Variants in CACHD1 observed in about 807,000 individuals in gnomAD.
CACHD1 encodes the protein VWFA and cache domain-containing protein 1.
In CACHD1, 71 loss-of-function variants were observed where a neutral mutation model predicts 138.7. That is an observed-to-expected ratio of 0.51 (90% confidence interval 0.42 to 0.62). CACHD1 has a LOEUF of 0.62. Ranked by LOEUF, CACHD1 falls within the 20% of genes least tolerant of loss-of-function variation. CACHD1 has a pLI of 0.00. For synonymous variants in CACHD1, 578 were observed against 591.5 expected, an observed-to-expected ratio of 0.98 and a Z score of 0.33; for missense variants, 1,389 against 1,625.3, an observed-to-expected ratio of 0.85 and a Z score of 2.50.
chr1:64,652,102 A>G lies in CACHD1; in HGVS notation c.1391-59A>G, dbSNP rs1649114404. On this transcript the variant is annotated intron_variant, in intron 9 of 26. Coordinates refer to ENST00000651257, the MANE Select transcript of CACHD1 (RefSeq NM_020925.4). ...TCATGATTCACCGGAGCACAGTTCC[A>G]GTCTTTGTCCAATTCCTTCTCTGCT... The G allele has an allele frequency of 2.8e-6, 4 of 1,439,436 alleles. No homozygotes were observed. In the African/African-American group the frequency reaches 4.4e-5, roughly 16 times the overall value. The allele number at this position is 1,439,436 out of a possible 1,614,324, so 89.2% of individuals were successfully genotyped here.
chr1:64,640,687 A>ATG (rs564569514), intron 7 of CACHD1, among the ~76,000 whole-genome samples: 388 of 60,488 alleles, frequency 6.4e-3, no homozygotes, highest in African/African-American at 0.024. Context: ...ATATATATAT[A>ATG]TACAGACACA....
intron 13 of CACHD1, 120 bp from the exon 14 acceptor site, chr1:64,663,575 G>GAAAAAA: frequency 9.5e-5 from 114 of 1,194,058 alleles, no homozygotes; most frequent in Non-Finnish European, 1.1e-4. Context: ...AGAAAAAAAG[G>GAAAAAA]AAAAAAAAAG....
At chr1:64,668,944 C>T (rs1178606438) in intron 16 of CACHD1, among the ~76,000 whole-genome samples, 1 of 152,114 alleles carries the variant, frequency 6.6e-6, no homozygotes, top group Non-Finnish European at 1.5e-5. Context: ...TTCATCCCTC[C>T]TAACACATGG....
rs372905858 is a variant in CACHD1, at chr1:64,577,839, G to A, written c.262-4317G>A. Among the ~76,000 whole-genome samples the A allele has an allele frequency of 3.9e-5, 6 of 152,302 alleles. No individual in the cohort carries two copies. In the East Asian group the frequency reaches 9.6e-4, roughly 24 times the overall value. ...ACACCTTTTGTGAAGTGCCATAGGT[G>A]TTTGGACTCTGTATTCTTGGTACTT... On this transcript the variant is annotated intron_variant, in intron 2 of 26. Coordinates refer to ENST00000651257, the MANE Select transcript of CACHD1 (RefSeq NM_020925.4).
intron 1 of CACHD1, among the ~76,000 whole-genome samples, chr1:64,539,782 T>G (rs1646663415): frequency 6.6e-6 from 1 of 152,222 alleles, no homozygotes; most frequent in African/African-American, 2.4e-5. Flanking sequence ...ACCCTCTTAG[T>G]GAATGCTCTG....
intron 1 of CACHD1, among the ~76,000 whole-genome samples, chr1:64,475,868 T>G (rs1463651620): frequency 1.3e-5 from 2 of 152,178 alleles, no homozygotes; most frequent in Non-Finnish European, 2.9e-5. Context: ...ATGCCCTTAA[T>G]CTGTCAACTA....
chr1:64,489,945 T>C (rs1646264611), intron 1 of CACHD1, among the ~76,000 whole-genome samples: 1 of 152,202 alleles, frequency 6.6e-6, no homozygotes. Flanking sequence ...TAAGCACAAG[T>C]TAAGTACTGG....
chr1:64,603,099 C>CTTTTTTTTTTTTTTTTTTTTTTTTTTTT (rs34372401), intron 4 of CACHD1, among the ~76,000 whole-genome samples, 187 bp downstream of exon 4: 1 of 64,896 alleles, frequency 1.5e-5, no homozygotes. Context: ...AAGCTTACAT[C>CTTTTTTTTTTTTTTTTTTTTTTTTTTTT]TTTTTTTTTT....
At chr1:64,472,260 G>T (rs934450018) in intron 1 of CACHD1, among the ~76,000 whole-genome samples, 1 of 150,034 alleles carries the variant, frequency 6.7e-6, no homozygotes, top group African/African-American at 2.5e-5. Flanking sequence ...CCTCCTTCTC[G>T]TTCTTCTCCT....
At chr1:64,589,839 A>G (rs1052793549) in intron 3 of CACHD1, among the ~76,000 whole-genome samples, 3 of 152,172 alleles carry the variant, frequency 2.0e-5, no homozygotes, top group Non-Finnish European at 4.4e-5. Flanking sequence ...AGCCAAGTTG[A>G]TATAAAGTTA....
chr1:64,538,325 T>G (rs1238886161), intron 1 of CACHD1, among the ~76,000 whole-genome samples: 1 of 152,232 alleles, frequency 6.6e-6, no homozygotes, highest in Non-Finnish European at 1.5e-5. Context: ...CATCAGTATT[T>G]GGGTACTCCC....
intron 1 of CACHD1, among the ~76,000 whole-genome samples, chr1:64,478,633 A>G (rs924551037): frequency 1.4e-4 from 22 of 152,304 alleles, no homozygotes; most frequent in African/African-American, 4.1e-4. Flanking sequence ...TGTCCTATCC[A>G]GAGAGGCTAA....
rs182545219 is a variant in CACHD1, at chr1:64,682,070, C to T, written c.3550C>T (p.Arg1184Cys). The T allele has an allele frequency of 1.6e-5, 26 of 1,614,052 alleles. No homozygotes were observed. The highest frequency in any genetic ancestry group is 3.3e-5 in the South Asian group (3 of 91,066). ...TGCACACAGTCCAGAAAGAAGGCGC[C>T]GCTACTGGGGTCGATCAGGAACAGA... ...RHAHSPERRRRYWGRSGTESD... is the reference protein window; with the variant it reads ...RHAHSPERRRCYWGRSGTESD... Residue 1184 changes from arginine (R) to cysteine (C), a missense_variant, in exon 26 of 27, where the codon CGC (arginine) becomes TGC (cysteine). Physicochemically the swap from Arg to Cys is radical, Grantham distance 180. Coordinates refer to ENST00000651257, the MANE Select transcript of CACHD1 (RefSeq NM_020925.4).
Position 64,522,412 on chromosome 1 carries a change from A to G in CACHD1, c.199-28182A>G, listed in dbSNP as rs181455286. Among the ~76,000 whole-genome samples the G allele has an allele frequency of 4.8e-3, 732 of 152,072 alleles. 6 individuals are homozygous for G. Among genetic ancestry groups the G allele is most frequent in the Non-Finnish European group, 6.6e-3 (451 of 67,988 alleles). On this transcript the variant is annotated intron_variant, in intron 1 of 26. Transcript: ENST00000651257. Reference sequence around the variant, plus strand: ...AACCTCTGCCTCCTGGGTTCAAGCAATTCTCCTGCCTCAGCCTCCCGAGTA... The same window carrying G: ...AACCTCTGCCTCCTGGGTTCAAGCAGTTCTCCTGCCTCAGCCTCCCGAGTA...
intron 1 of CACHD1, among the ~76,000 whole-genome samples, chr1:64,527,676 T>TAA (rs954206264): frequency 1.6e-4 from 24 of 152,216 alleles, no homozygotes; most frequent in African/African-American, 5.5e-4. Flanking sequence ...TCTCTCTGTT[T>TAA]AAAAGTAAAG....
rs775956108 is a variant in CACHD1 at position 64,663,849 on chromosome 1, C to T, written c.2094+12C>T. On this transcript the variant is annotated intron_variant, in intron 14 of 26. Coordinates refer to ENST00000651257, the MANE Select transcript of CACHD1 (RefSeq NM_020925.4). ...ACCCGGGCCTCAAAGTAAGCATTGG[C>T]GCAGAGCTCCATTTCTGGTGTCCCC... is the stretch of plus-strand genomic sequence containing the variant. 1.2e-5 allele frequency: 19 copies of T among 1,613,894 alleles called. No homozygotes were observed. Among genetic ancestry groups the T allele is most frequent in the Admixed American group, 1.2e-4 (7 of 59,988 alleles).
chr1:64,528,542 C>G (rs541293345), intron 1 of CACHD1, among the ~76,000 whole-genome samples: 1 of 152,250 alleles, frequency 6.6e-6, no homozygotes, highest in East Asian at 1.9e-4. Context: ...TGAATAATAT[C>G]ACAGCAGAGA....
At chr1:64,480,195 G>A (rs1012968903) in intron 1 of CACHD1, among the ~76,000 whole-genome samples, 3 of 152,204 alleles carry the variant, frequency 2.0e-5, no homozygotes, top group African/African-American at 7.2e-5. Context: ...ATGGACCAGA[G>A]AGACAGTCAA....
intron 1 of CACHD1, among the ~76,000 whole-genome samples, chr1:64,535,188 T>A (rs776271661): frequency 2.0e-5 from 3 of 152,192 alleles, no homozygotes; most frequent in Non-Finnish European, 2.9e-5. Flanking sequence ...TATGTCCCTT[T>A]TGCCCCCTCT....
Sources: gnomAD v4.1 joint callset for allele counts (sites outside exome capture counted in the v4.1 genomes callset) on GRCh38, gnomAD v4.1.1 for gene constraint, MANE v1.5 for transcripts, NCBI Gene and HGNC (gene_info 2026-07-23, HGNC 2026-07-21) for gene names.